The following ZNF454 variants were observed in gnomAD, a reference collection of about 807,000 sequenced individuals.
ZNF454 encodes the protein zinc finger protein 454.
A neutral mutation model predicts 48.2 loss-of-function variants in ZNF454; 30 were observed. The observed-to-expected ratio is 0.62, with a 90% CI of 0.47 to 0.84. The LOEUF (loss-of-function observed/expected upper bound fraction) is 0.84, where lower values mean the gene tolerates loss of function less well. ZNF454 is among the 40% of genes least tolerant of loss of function. The pLI, the probability that ZNF454 is intolerant of heterozygous loss-of-function variation, is 0.00. For missense variants in ZNF454, 510 were observed against 623.1 expected (o/e 0.82, Z 1.93); for synonymous variants, 204 against 211.4 (o/e 0.97, Z 0.30).
the ZNF454 span, chr5:178,975,570 G>T: frequency 3.8e-6 from 1 of 265,188 alleles, no homozygotes; most frequent in Non-Finnish European, 8.0e-6. Flanking sequence ...TGGTCCTTTT[G>T]TTCATCAGAC....
chr5:178,964,278 G>T (rs61045950), intron 4 of ZNF454, among the ~76,000 whole-genome samples: 1 of 151,566 alleles, frequency 6.6e-6, no homozygotes, highest in Non-Finnish European at 1.5e-5. Flanking sequence ...CCACCACCAC[G>T]CCCGGCTAAT....
chr5:178,955,960 G>A (rs1224957079), intron 4 of ZNF454, among the ~76,000 whole-genome samples: 1 of 152,104 alleles, frequency 6.6e-6, no homozygotes, highest in Non-Finnish European at 1.5e-5. Context: ...GCCATGACCT[G>A]GAGTCTGCCT....
the ZNF454 span, chr5:178,986,507 AGGAC>A: frequency 3.7e-6 from 6 of 1,602,944 alleles, no homozygotes; most frequent in Non-Finnish European, 5.1e-6. Context: ...GCCCAGGGGG[AGGAC>A]CAGCTCAGGC....
At chr5:178,945,546 T>C (rs1759295601) in intron 2 of ZNF454, among the ~76,000 whole-genome samples, 1 of 149,814 alleles carries the variant, frequency 6.7e-6, no homozygotes, top group Non-Finnish European at 1.5e-5. Context: ...GGTATGGGTC[T>C]GTGTTTGTAT....
chr5:178,947,060 A>T (rs1759368613), intron 4 of ZNF454, 74 bp downstream of exon 4: 1 of 1,235,810 alleles, frequency 8.1e-7, no homozygotes, highest in Non-Finnish European at 1.2e-6. Context: ...GAAGGCAGGG[A>T]GGCTTGCAGA....
At chr5:178,989,673 C>T in the ZNF454 span, 1 of 558,080 alleles carries the variant, frequency 1.8e-6, no homozygotes, top group Non-Finnish European at 3.2e-6. Context: ...TCCAGGGTAG[C>T]ACTTACATGC....
the ZNF454 span, chr5:178,986,437 G>T: frequency 1.9e-6 from 3 of 1,613,384 alleles, no homozygotes; most frequent in Non-Finnish European, 2.5e-6. Context: ...CCGCACGAAG[G>T]TGGCCACCAC....
At chr5:178,956,652 C>A (rs1444273595) in intron 4 of ZNF454, among the ~76,000 whole-genome samples, 3 of 129,402 alleles carry the variant, frequency 2.3e-5, no homozygotes, top group African/African-American at 8.3e-5. Context: ...GACCTTAAAC[C>A]AGTCTTTATT....
chr5:178,987,364 G>T, the ZNF454 span: 1 of 470,788 alleles, frequency 2.1e-6, no homozygotes, highest in Non-Finnish European at 4.2e-6. Context: ...GTACAGCCAC[G>T]TTCACAGCAG....
chr5:178,941,292 C>G lies in ZNF454; in HGVS notation c.-260C>G, dbSNP rs1010968429. The G allele has an allele frequency of 2.3e-6, 1 of 428,798 alleles. No individual in the cohort carries two copies. The highest frequency in any genetic ancestry group is 2.0e-5 in the African/African-American group (1 of 49,612). The allele number at this position is 428,798 out of a possible 1,614,324, so 26.6% of individuals were successfully genotyped here. On this transcript the variant is annotated 5_prime_UTR_variant, in exon 1 of 5. Coordinates refer to ENST00000519564, the MANE Select transcript of ZNF454 (RefSeq NM_001178089.3). This position sits in a 1 kb window ranked among gnomAD's most constrained non-coding sequence, Gnocchi z 5.5. ...GGCAGAGGCTCCTCGAAGAGCGACA[C>G]GGGGCTGACCAGGCACGGTGGTCAA...
the ZNF454 span, chr5:178,987,092 T>C: frequency 8.8e-7 from 1 of 1,132,194 alleles, no homozygotes; most frequent in Non-Finnish European, 1.3e-6. Context: ...CAAGCATCAC[T>C]GCTCATAAGG....
the ZNF454 span, among the ~76,000 whole-genome samples, chr5:178,984,495 G>A: frequency 1.3e-5 from 2 of 152,216 alleles, no homozygotes; most frequent in Non-Finnish European, 2.9e-5. Context: ...AGGCTTGTGT[G>A]TTTTTAAAGA....
At chr5:178,987,017 C>T in the ZNF454 span, 1 of 1,606,784 alleles carries the variant, frequency 6.2e-7, no homozygotes, top group Non-Finnish European at 8.5e-7. Flanking sequence ...CGGTGGTCCT[C>T]CAGCCCAGCA....
intron 2 of ZNF454, among the ~76,000 whole-genome samples, chr5:178,945,449 A>G: frequency 9.5e-6 from 1 of 105,752 alleles, no homozygotes; most frequent in South Asian, 3.4e-4. Context: ...TGTGTATGTG[A>G]ATGTGGGGGG....
At chr5:178,956,852 C>T (rs879835363) in intron 4 of ZNF454, 55 of 345,476 alleles carry the variant, frequency 1.6e-4, no homozygotes, top group Non-Finnish European at 2.8e-4. Flanking sequence ...AATACAGGCG[C>T]CCGCCACCAT....
chr5:178,965,669 G>T lies in ZNF454; in HGVS notation c.1265G>T (p.Arg422Leu). ...YRCGLCEKAF[R>L]DQSALAQHQR... is the part of the protein sequence containing the mutation. ...TGTGGCTTGTGTGAGAAAGCCTTTC[G>T]GGACCAATCAGCACTAGCCCAACAT... The change falls in exon 5 of 5, where the codon CGG (arginine) becomes CTG (leucine). Residue 422 changes from arginine (R) to leucine (L), a missense_variant. Arg to Leu is a moderately radical substitution (Grantham distance 102). Around this residue, in one of 3 missense-constraint regions of ZNF454, gnomAD observed 153 missense variants for 195.8 expected, o/e 0.78. Transcript: ENST00000519564. This position sits in a 1 kb window ranked among gnomAD's most constrained non-coding sequence, Gnocchi z 5.2. 1 of 1,614,052 alleles carries T rather than the reference G, an allele frequency of 6.2e-7. No homozygotes were observed. Among genetic ancestry groups the T allele is most frequent in the Non-Finnish European group, 8.5e-7 (1 of 1,180,020 alleles).
intron 2 of ZNF454, among the ~76,000 whole-genome samples, chr5:178,943,252 C>T (rs1052629893): frequency 1.3e-5 from 2 of 152,182 alleles, no homozygotes; most frequent in African/African-American, 4.8e-5. Flanking sequence ...GCATCCACTT[C>T]TGATGAGGAC....
chr5:178,969,846 A>C (rs975760827), downstream of ZNF454, among the ~76,000 whole-genome samples: 3 of 152,140 alleles, frequency 2.0e-5, no homozygotes, highest in Non-Finnish European at 4.4e-5. Context: ...GGGAACAGCC[A>C]CTGAAACTGC....
chr5:178,985,319 T>C, the ZNF454 span: 2 of 453,878 alleles, frequency 4.4e-6, no homozygotes, highest in African/African-American at 4.0e-5. Context: ...ACTGCCCCGT[T>C]TTCCTTCAAG....
Sources: allele counts gnomAD v4.1 joint callset (sites outside exome capture counted in the v4.1 genomes callset), GRCh38; gene constraint gnomAD v4.1.1; regional missense constraint gnomAD v4.1.1; non-coding constraint Gnocchi (gnomAD v3.1); transcripts MANE v1.5; gene names NCBI Gene and HGNC (gene_info 2026-07-23, HGNC 2026-07-21).